LMF1: variants seen among roughly 807,000 people sequenced by gnomAD.
LMF1 encodes the protein transmembrane protein 112.
LMF1 carries 68 observed loss-of-function variants against 60.6 expected under a neutral mutation model. That is an observed-to-expected ratio of 1.12 (90% CI 0.92 to 1.37). LMF1 has a LOEUF of 1.37. LMF1 is among the 40% of genes most tolerant of loss of function. The pLI is 0.00. For synonymous variants in LMF1, 418 were observed against 324.7 expected (o/e 1.29, Z -3.09); for missense variants, 948 against 767.2 (o/e 1.24, Z -2.78).
chr16:967,724 G>C (rs2072954864), intron 1 of LMF1, among the ~76,000 whole-genome samples: 3 of 152,256 alleles, frequency 2.0e-5, no homozygotes, highest in African/African-American at 7.2e-5. Flanking sequence ...CCGCTGCCCA[G>C]ATGTGAACCG....
rs1454893687 is a variant in LMF1 at position 855,389 on chromosome 16, T to A, written c.1530-683A>T. On this transcript the variant is annotated intron_variant, in intron 10 of 10. Transcript: ENST00000262301. ...TCTCTCTGCTGAGCCCTGTATAAGG[T>A]CCCGCCTGACCCCTGGTGACCAGGC... is the stretch of plus-strand genomic sequence containing the variant. 14 of 339,896 alleles carry A rather than the reference T, an allele frequency of 4.1e-5. 1 individual carries two copies. Among genetic ancestry groups the A allele is most frequent in the Non-Finnish European group, 8.1e-5 (14 of 173,132 alleles). The allele number at this position is 339,896 out of a possible 1,614,324, so 21.1% of individuals were successfully genotyped here.
intron 4 of LMF1, among the ~76,000 whole-genome samples, chr16:910,504 T>G (rs1358220392): frequency 2.6e-5 from 4 of 152,296 alleles, no homozygotes; most frequent in Admixed American, 2.6e-4. Context: ...CATACCTCCC[T>G]CACCCTTGAA....
At chr16:863,874 T>A (rs1163605436) in intron 10 of LMF1, among the ~76,000 whole-genome samples, 1 of 152,264 alleles carries the variant, frequency 6.6e-6, no homozygotes, top group African/African-American at 2.4e-5. Context: ...CATTTGGTGC[T>A]TTCTCTCTCA....
At chr16:974,365 G>A (rs71380227), upstream of LMF1, among the ~76,000 whole-genome samples, 27,817 of 152,020 alleles carry the variant, frequency 0.18, 2,774 homozygotes, top group South Asian at 0.33. Flanking sequence ...AACCCGAGGC[G>A]GGAGGAGGAG....
At chr16:889,299 G>A (rs1049152112) in intron 5 of LMF1, among the ~76,000 whole-genome samples, 1 of 152,074 alleles carries the variant, frequency 6.6e-6, no homozygotes, top group Admixed American at 6.5e-5. Context: ...GAATTTGCCG[G>A]CAACTGCCTT....
upstream of LMF1, chr16:971,016 T>C (rs757779179): frequency 1.0e-5 from 6 of 599,688 alleles, no homozygotes; most frequent in South Asian, 2.0e-4. Context: ...GCCCCGCCCA[T>C]TCTCGGAGGC....
chr16:895,277 C>T (rs2070631199), intron 4 of LMF1, among the ~76,000 whole-genome samples: 1 of 152,192 alleles, frequency 6.6e-6, no homozygotes, highest in African/African-American at 2.4e-5. Context: ...CTGGTCGGGT[C>T]AGCCTCGGGC....
chr16:908,082 C>T (rs1029885557), intron 4 of LMF1, among the ~76,000 whole-genome samples: 8 of 152,306 alleles, frequency 5.3e-5, no homozygotes, highest in East Asian at 3.9e-4. Context: ...TTCCCCCACC[C>T]GGCTGCTGTC....
chr16:979,578 C>T (rs965489768), intron 1 of LMF1: 1 of 451,292 alleles, frequency 2.2e-6, no homozygotes, highest in African/African-American at 2.0e-5. Context: ...CTCCCTTCCT[C>T]CAGGGGTGCT....
chr16:888,302 G>C (rs2070372359), intron 5 of LMF1, among the ~76,000 whole-genome samples: 1 of 152,224 alleles, frequency 6.6e-6, no homozygotes. Context: ...AGCGCCGTGG[G>C]ACTGAATCAG....
At chr16:946,079 G>C (rs1292964289) in intron 2 of LMF1, among the ~76,000 whole-genome samples, 2 of 152,246 alleles carry the variant, frequency 1.3e-5, no homozygotes, top group African/African-American at 2.4e-5. Context: ...GCTAATGGTG[G>C]ACACAGAGTT....
intron 3 of LMF1, 126 bp from the exon 4 acceptor site, chr16:911,205 A>T: frequency 9.3e-7 from 1 of 1,072,080 alleles, no homozygotes; most frequent in Non-Finnish European, 1.4e-6. Context: ...ACTGAGAGAC[A>T]CCAGCCCGCA....
chr16:862,268 C>T (rs7206843), intron 10 of LMF1, among the ~76,000 whole-genome samples: 4,065 of 151,650 alleles, frequency 0.027, 161 homozygotes, highest in African/African-American at 0.085. Flanking sequence ...CTCCACCTGC[C>T]GAGTAGTTGG....
chr16:957,219 T>G (rs2072725467), intron 1 of LMF1, among the ~76,000 whole-genome samples: 1 of 152,118 alleles, frequency 6.6e-6, no homozygotes, highest in Non-Finnish European at 1.5e-5. Context: ...ATGATAACAA[T>G]ATCACAAGAG....
intron 3 of LMF1, among the ~76,000 whole-genome samples, chr16:922,663 C>T (rs531967295): frequency 1.2e-4 from 13 of 112,982 alleles, no homozygotes; most frequent in Admixed American, 3.9e-4. Flanking sequence ...CCTGGGTTTT[C>T]GGGTGTGATG....
At chr16:971,185 C>T (rs1461154930), upstream of LMF1, among the ~76,000 whole-genome samples, 1 of 152,216 alleles carries the variant, frequency 6.6e-6, no homozygotes, top group Non-Finnish European at 1.5e-5. Context: ...AGCCTGCCTC[C>T]TTCGCAGTTC....
chr16:943,497 G>A (rs2382944), intron 2 of LMF1, among the ~76,000 whole-genome samples: 50,408 of 151,684 alleles, frequency 0.33, 10,438 homozygotes, highest in African/African-American at 0.58. Flanking sequence ...AGGCCGAGGC[G>A]GGCGGATCAC....
At chr16:918,743 T>A (rs1010775318) in intron 3 of LMF1, among the ~76,000 whole-genome samples, 32 of 121,648 alleles carry the variant, frequency 2.6e-4, no homozygotes, top group African/African-American at 1.1e-3. Context: ...ACATTTTAAA[T>A]CACATTTAAC....
chr16:866,905 T>C (rs1208142779), intron 10 of LMF1, among the ~76,000 whole-genome samples: 7 of 152,356 alleles, frequency 4.6e-5, no homozygotes, highest in African/African-American at 1.7e-4. Context: ...TTTGGGGCTG[T>C]GGCTCCGTCC....
Sources: gnomAD v4.1 joint callset for allele counts (sites outside exome capture counted in the v4.1 genomes callset) on GRCh38, gnomAD v4.1.1 for gene constraint, MANE v1.5 for transcripts, NCBI Gene and HGNC (gene_info 2026-07-23, HGNC 2026-07-21) for gene names.